The following TRPC1 variants were observed in gnomAD, a reference collection of about 807,000 sequenced individuals.
TRPC1 encodes transient receptor potential cation channel subfamily C member 1.
In TRPC1, 42 loss-of-function variants were observed where a neutral mutation model predicts 88.2. The ratio of observed to expected loss-of-function variants is 0.48; its 90% CI spans 0.37 to 0.62. The LOEUF (loss-of-function observed/expected upper bound fraction) is 0.62, where lower values mean the gene tolerates loss of function less well. Among genes scored for constraint, TRPC1 ranks in the 20% least tolerant of loss-of-function variants. The pLI is 0.00. For synonymous variants in TRPC1, 288 were observed against 331.8 expected, an observed-to-expected ratio of 0.87 and a Z score of 1.43; for missense variants, 699 against 957.3, an observed-to-expected ratio of 0.73 and a Z score of 3.56.
intron 1 of TRPC1, among the ~76,000 whole-genome samples, chr3:142,730,355 G>T (rs971115804): frequency 1.3e-5 from 2 of 152,020 alleles, no homozygotes; most frequent in African/African-American, 4.8e-5. Flanking sequence ...TTTGCCAAAT[G>T]ATATTCATTA....
At chr3:142,771,115 G>A (rs537003222) in intron 4 of TRPC1, among the ~76,000 whole-genome samples, 4 of 152,278 alleles carry the variant, frequency 2.6e-5, no homozygotes, top group African/African-American at 9.6e-5. Flanking sequence ...GCACCAAGCT[G>A]ATCATGAGGG....
intron 9 of TRPC1, among the ~76,000 whole-genome samples, chr3:142,800,386 C>T (rs185098565): frequency 3.3e-5 from 5 of 152,152 alleles, no homozygotes; most frequent in Non-Finnish European, 5.9e-5. Flanking sequence ...TAGCTTGTGG[C>T]GTGCCTAAGA....
chr3:142,739,617 T>C (rs1186854861), intron 2 of TRPC1, among the ~76,000 whole-genome samples: 1 of 152,134 alleles, frequency 6.6e-6, no homozygotes, highest in Non-Finnish European at 1.5e-5. Context: ...AATGCCAGAA[T>C]AAGGAATTTG....
At chr3:142,794,695 T>C (rs1355780568) in intron 9 of TRPC1, among the ~76,000 whole-genome samples, 1 of 152,096 alleles carries the variant, frequency 6.6e-6, no homozygotes, top group East Asian at 1.9e-4. Flanking sequence ...AGCAGAGTAC[T>C]GATTAGCATA....
chr3:142,726,129 A>G (rs1933661535), intron 1 of TRPC1, among the ~76,000 whole-genome samples: 1 of 152,264 alleles, frequency 6.6e-6, no homozygotes, highest in South Asian at 2.1e-4. Flanking sequence ...CTTCCCTCAA[A>G]AGTTCTGAGA....
Position 142,724,565 on chromosome 3 carries a change from G to GGCGGCCCTGTACATC in TRPC1, c.18_19insATCGCGGCCCTGTAC (p.Tyr6_Pro7insIleAlaAlaLeuTyr). The GGCGGCCCTGTACATC allele has an allele frequency of 6.4e-7, 1 of 1,572,132 alleles. No homozygotes were observed. Among genetic ancestry groups the GGCGGCCCTGTACATC allele is most frequent in the Non-Finnish European group, 8.6e-7 (1 of 1,160,786 alleles). On this transcript the variant is annotated inframe_insertion, in exon 1 of 13. Transcript: ENST00000476941. This position sits in a 1 kb window ranked among gnomAD's most constrained non-coding sequence, Gnocchi z 5.6. Reference sequence around the variant, plus strand: ...TGCCCCCTTCATGGGCCGCGATGATGGCGGCCCTGTACCCGAGCACGGACC... The same window carrying GGCGGCCCTGTACATC: ...TGCCCCCTTCATGGGCCGCGATGATGGCGGCCCTGTACATCGCGGCCCTGTACCCGAGCACGGACC...
Position 142,724,704 on chromosome 3 carries a change from A to C in TRPC1, c.145A>C (p.Lys49Gln). Residue 49 changes from lysine (K) to glutamine (Q), a missense_variant, in exon 1 of 13, where the codon AAG (lysine) becomes CAG (glutamine). Coordinates refer to ENST00000476941, the MANE Select transcript of TRPC1 (RefSeq NM_001251845.2). The surrounding 1 kb of genome is among the most constrained non-coding windows in gnomAD (Gnocchi z 5.6). ...EVKEENTLNEKLFLLACDKGD... is the reference protein window; with the variant it reads ...EVKEENTLNEQLFLLACDKGD... ...GAAGGAGGAGAATACGCTGAATGAG[A>C]AGCTTTTCTTGCTGGCGTGCGACAA... 6.2e-7 allele frequency: 1 copy of C among 1,602,196 alleles called. No homozygotes were observed. The highest frequency in any genetic ancestry group is 8.5e-7 in the Non-Finnish European group (1 of 1,172,568).
At chr3:142,793,028 C>T in intron 9 of TRPC1, 61 bp downstream of exon 9, 1 of 1,380,808 alleles carries the variant, frequency 7.2e-7, no homozygotes. Flanking sequence ...ACATCTTTCT[C>T]CTTGTCCAGT....
chr3:142,751,705 A>G lies in TRPC1; in HGVS notation c.632+3245A>G, dbSNP rs1300775839. Among the ~76,000 whole-genome samples, 5 of 152,308 alleles carry G rather than the reference A, an allele frequency of 3.3e-5. No individual in the cohort carries two copies. In the East Asian group the frequency reaches 9.7e-4, roughly 29 times the overall value. On this transcript the variant is annotated intron_variant, in intron 4 of 12. Transcript: ENST00000476941. Reference sequence around the variant, plus strand: ...ATTTTTAGGTTAAGGATTGTTAAACAGTATATGAAATAGACTTTAAGGCTG... The same window carrying G: ...ATTTTTAGGTTAAGGATTGTTAAACGGTATATGAAATAGACTTTAAGGCTG...
intron 1 of TRPC1, among the ~76,000 whole-genome samples, chr3:142,728,863 CAA>C (rs1474779756): frequency 6.6e-6 from 1 of 151,900 alleles, no homozygotes; most frequent in Non-Finnish European, 1.5e-5. Context: ...TGGGAAGAAA[CAA>C]AAAATGCAGA....
chr3:142,768,058 G>A (rs2177398), intron 4 of TRPC1, among the ~76,000 whole-genome samples: 52,868 of 151,788 alleles, frequency 0.35, 12,668 homozygotes, highest in African/African-American at 0.69. Context: ...TGGAGAATGT[G>A]CTTTGTATGA....
At position 142,748,410 on chromosome 3, in the gene TRPC1, A is replaced by G. The variant is rs1381323564; in HGVS notation, c.582A>G (p.Glu194=). 5 of 1,614,044 alleles carry G rather than the reference A, an allele frequency of 3.1e-6. No individual in the cohort carries two copies. Among genetic ancestry groups the G allele is most frequent in the Non-Finnish European group, 4.2e-6 (5 of 1,179,994 alleles). Residue 194 remains glutamate (E), a synonymous_variant, in exon 4 of 13, where the codon GAA becomes GAG. Transcript: ENST00000476941. ...SLPKPHAVGC[E]CTLCSAKNKK... is the part of the protein sequence containing the mutation. ...CCAAGCCCCATGCAGTTGGCTGTGA[A>G]TGCACATTGTGTTCTGCAAAAAACA... is the stretch of plus-strand genomic sequence containing the variant.
chr3:142,784,932 T>A lies in TRPC1; in HGVS notation c.1189T>A (p.Phe397Ile). The A allele has an allele frequency of 6.2e-7, 1 of 1,614,060 alleles. No homozygotes were observed. Among genetic ancestry groups the A allele is most frequent in the Non-Finnish European group, 8.5e-7 (1 of 1,180,000 alleles). ...CATTCATGGAGCATCATATTTCACATTTCTGCTGTTGCTTAATCTATACTC... is the reference window on the plus strand; with the variant it reads ...CATTCATGGAGCATCATATTTCACAATTCTGCTGTTGCTTAATCTATACTC... ...FIIHGASYFT[F>I]LLLLNLYSLV... is the part of the protein sequence containing the mutation. Residue 397 changes from phenylalanine (F) to isoleucine (I), a missense_variant, in exon 7 of 13, where the codon TTT becomes ATT. Coordinates refer to ENST00000476941, the MANE Select transcript of TRPC1 (RefSeq NM_001251845.2).
At chr3:142,754,456 A>C (rs1934889314) in intron 4 of TRPC1, among the ~76,000 whole-genome samples, 1 of 152,222 alleles carries the variant, frequency 6.6e-6, no homozygotes, top group Admixed American at 6.5e-5. Context: ...TGGATGCAGC[A>C]CACCAACATG....
At position 142,741,691 on chromosome 3, in the gene TRPC1, T is replaced by C. The variant is rs544187465; in HGVS notation, c.328-1794T>C. On this transcript the variant is annotated intron_variant, in intron 2 of 12. Coordinates refer to ENST00000476941, the MANE Select transcript of TRPC1 (RefSeq NM_001251845.2). ...CCAGATATTCATCATTTATGGACAA[T>C]TCTAAATCAGAATGCTTGGGTCTGT... 2.0e-5 allele frequency among the ~76,000 whole-genome samples: 3 copies of C among 152,356 alleles called. No individual in the cohort carries two copies. In the East Asian group the frequency reaches 5.8e-4, roughly 29 times the overall value.
intron 4 of TRPC1, among the ~76,000 whole-genome samples, chr3:142,761,761 G>A (rs75805521): frequency 0.029 from 4,359 of 152,142 alleles, 81 homozygotes; most frequent in Non-Finnish European, 0.043. Flanking sequence ...CTTATGATTG[G>A]TTTGTTGAGG....
intron 11 of TRPC1, 26 bp downstream of exon 11, chr3:142,804,204 A>G (rs762195424): frequency 2.5e-6 from 4 of 1,609,992 alleles, no homozygotes; most frequent in Non-Finnish European, 3.4e-6. Flanking sequence ...TAAAAACTTT[A>G]TATTCTCCTC....
chr3:142,737,897 A>G (rs1023551444), intron 2 of TRPC1, among the ~76,000 whole-genome samples: 1 of 152,222 alleles, frequency 6.6e-6, no homozygotes, highest in African/African-American at 2.4e-5. Context: ...GAAGACTTCC[A>G]TCAAAATAGT....
chr3:142,760,121 C>T (rs918475295), intron 4 of TRPC1, among the ~76,000 whole-genome samples: 9 of 152,222 alleles, frequency 5.9e-5, no homozygotes, highest in Non-Finnish European at 8.8e-5. Flanking sequence ...CCACTGTGCC[C>T]GGCCTTGTCT....
Sources: gnomAD v4.1 joint callset for allele counts (sites outside exome capture counted in the v4.1 genomes callset) on GRCh38, gnomAD v4.1.1 for gene constraint, Gnocchi (gnomAD v3.1) non-coding constraint, MANE v1.5 for transcripts, NCBI Gene and HGNC (gene_info 2026-07-23, HGNC 2026-07-21) for gene names.